The following LNPK variants were observed in gnomAD, a reference collection of about 807,000 sequenced individuals.
The protein encoded by LNPK is endoplasmic reticulum junction formation protein lunapark.
A neutral mutation model predicts 55.2 loss-of-function variants in LNPK; 29 were observed. The observed-to-expected ratio is 0.53, with a 90% CI of 0.39 to 0.72. The LOEUF (loss-of-function observed/expected upper bound fraction) is 0.72, where lower values mean the gene tolerates loss of function less well. Ranked by LOEUF, LNPK falls within the 30% of genes least tolerant of loss-of-function variation. The pLI is 0.00. For missense variants in LNPK, 467 were observed against 494.8 expected (o/e 0.94, Z 0.53); for synonymous variants, 162 against 168.2 (o/e 0.96, Z 0.29).
Position 175,955,322 on chromosome 2 carries a change from A to G in LNPK, c.494-7630T>C, listed in dbSNP as rs1215890346. 2.6e-5 allele frequency among the ~76,000 whole-genome samples: 4 copies of G among 152,156 alleles called. No individual in the cohort carries two copies. In the East Asian group the frequency reaches 5.8e-4, roughly 22 times the overall value. On this transcript the variant is annotated intron_variant, in intron 8 of 12. Coordinates refer to ENST00000272748, the MANE Select transcript of LNPK (RefSeq NM_030650.3). Reference sequence around the variant, plus strand: ...GGGAAGAGTAAGCTCAACTGACCCGAGAGAAGTCCATGTGGAGAGGAAACA... The same window carrying G: ...GGGAAGAGTAAGCTCAACTGACCCGGGAGAAGTCCATGTGGAGAGGAAACA...
At chr2:175,941,475 A>C (rs1214210488) in intron 9 of LNPK, among the ~76,000 whole-genome samples, 1 of 151,962 alleles carries the variant, frequency 6.6e-6, no homozygotes, top group Non-Finnish European at 1.5e-5. Flanking sequence ...GTGCATGAAC[A>C]AATTGCTTAA....
chr2:175,992,177 T>A, intron 4 of LNPK, 54 bp downstream of exon 4: 1 of 1,156,936 alleles, frequency 8.6e-7, no homozygotes, highest in Non-Finnish European at 1.2e-6. Context: ...AGATATACAT[T>A]AAGACTCTCT....
intron 11 of LNPK, chr2:175,937,977 A>C (rs1013508009): frequency 5.8e-5 from 11 of 189,992 alleles, no homozygotes; most frequent in African/African-American, 2.3e-4. Flanking sequence ...TCATCTGCAG[A>C]GCTTTAAAAA....
intron 4 of LNPK, among the ~76,000 whole-genome samples, chr2:175,988,866 C>T (rs1367460401): frequency 1.3e-5 from 2 of 152,078 alleles, no homozygotes; most frequent in African/African-American, 4.8e-5. Flanking sequence ...CTCTGCCTCC[C>T]GGGTTCACGC....
chr2:175,930,541 A>C (rs1490988714), intron 12 of LNPK, among the ~76,000 whole-genome samples: 2 of 152,148 alleles, frequency 1.3e-5, no homozygotes, highest in Admixed American at 6.6e-5. Context: ...ATTATGTGCT[A>C]TAATACAATA....
chr2:175,931,952 ACT>A (rs897810204), intron 12 of LNPK: 7 of 286,890 alleles, frequency 2.4e-5, no homozygotes, highest in Non-Finnish European at 4.9e-5. Flanking sequence ...GTTTTCCACA[ACT>A]CTCTGGCCAT....
At chr2:175,979,506 C>T (rs940270777) in intron 5 of LNPK, among the ~76,000 whole-genome samples, 1 of 151,454 alleles carries the variant, frequency 6.6e-6, no homozygotes, top group African/African-American at 2.4e-5. Flanking sequence ...TGCAGTGAGC[C>T]GAGATCGTGC....
intron 4 of LNPK, among the ~76,000 whole-genome samples, chr2:175,991,921 G>A (rs942231721): frequency 6.6e-6 from 1 of 152,080 alleles, no homozygotes; most frequent in Non-Finnish European, 1.5e-5. Flanking sequence ...TGCCCCACTT[G>A]CCATTACCCA....
chr2:175,950,188 G>A (rs895668644), intron 8 of LNPK, among the ~76,000 whole-genome samples: 1 of 152,030 alleles, frequency 6.6e-6, no homozygotes, highest in Non-Finnish European at 1.5e-5. Context: ...CACTGAGGAT[G>A]ATGACATGCC....
chr2:175,970,888 A>T (rs933996962), intron 5 of LNPK, 84 bp from the exon 6 acceptor site: 9 of 1,186,572 alleles, frequency 7.6e-6, no homozygotes, highest in Non-Finnish European at 1.0e-5. Flanking sequence ...AGCAAACACA[A>T]GAAAACTTTC....
intron 2 of LNPK, chr2:175,994,144 C>G (rs1208331237): frequency 2.2e-5 from 21 of 974,722 alleles, no homozygotes; most frequent in Non-Finnish European, 2.4e-5. Context: ...CAATTACATA[C>G]TCAACAATCC....
rs139155854 is a variant in LNPK at position 175,992,382 on chromosome 2, G to T, written c.106C>A (p.Gln36Lys). The change falls in exon 4 of 13, where the codon CAG becomes AAG. Residue 36 changes from glutamine (Q) to lysine (K), a missense_variant. Physicochemically the swap from Gln to Lys is moderately conservative, Grantham distance 53. Coordinates refer to ENST00000272748, the MANE Select transcript of LNPK (RefSeq NM_030650.3). Reference sequence around the variant, plus strand: ...CCAACCCATAATTTTTGTAATCTCTGATTTTTTTCCCTAAATTCTTCCAAT... The same window carrying T: ...CCAACCCATAATTTTTGTAATCTCTTATTTTTTTCCCTAAATTCTTCCAAT... Reference protein sequence around the residue: ...QALEEFREKNQRLQKLWVGRL... With the variant: ...QALEEFREKNKRLQKLWVGRL... 1.1e-3 allele frequency: 1,695 copies of T among 1,508,028 alleles called. 2 individuals are homozygous for T. Among genetic ancestry groups the T allele is most frequent in the Non-Finnish European group, 1.4e-3 (1,613 of 1,134,292 alleles). 93.4% of individuals were successfully genotyped at this position (1,508,028 alleles called of 1,614,324 possible). A position where few individuals can be genotyped will look rare whatever the true frequency, so the allele number is the denominator to read the frequency against.
chr2:175,982,776 C>T (rs1013936713), intron 4 of LNPK, among the ~76,000 whole-genome samples: 1 of 152,128 alleles, frequency 6.6e-6, no homozygotes, highest in African/African-American at 2.4e-5. Flanking sequence ...AAAGGTTTTG[C>T]TCTCCCAATA....
chr2:175,938,133 A>G (rs946752757), intron 11 of LNPK, among the ~76,000 whole-genome samples, 180 bp downstream of exon 11: 1 of 152,188 alleles, frequency 6.6e-6, no homozygotes, highest in Non-Finnish European at 1.5e-5. Flanking sequence ...GCTGTACATT[A>G]TATAGGAAGA....
chr2:175,983,331 C>T (rs1687261316), intron 4 of LNPK, among the ~76,000 whole-genome samples: 1 of 152,124 alleles, frequency 6.6e-6, no homozygotes, highest in Non-Finnish European at 1.5e-5. Context: ...TTGCCTAGCC[C>T]CACTGGCTGG....
upstream of LNPK, chr2:176,002,488 T>C: frequency 4.0e-6 from 1 of 251,996 alleles, no homozygotes; most frequent in Non-Finnish European, 7.9e-6. Flanking sequence ...TTATTATGAC[T>C]CTTAGAATAT....
intron 8 of LNPK, among the ~76,000 whole-genome samples, chr2:175,952,355 A>ATACTATAGTATAATTTTATACTATAG (rs1685462990): frequency 1.3e-5 from 2 of 151,968 alleles, no homozygotes; most frequent in African/African-American, 2.4e-5. Context: ...GAAAAAAATT[A>ATACTATAGTATAATTTTATACTATAG]TACTATAGTA....
chr2:175,981,128 T>C (rs1687155706), intron 4 of LNPK, among the ~76,000 whole-genome samples: 1 of 152,176 alleles, frequency 6.6e-6, no homozygotes, highest in African/African-American at 2.4e-5. Flanking sequence ...CACACCATTG[T>C]GTAGTCCTCT....
rs144769063 is a variant in LNPK at position 175,994,067 on chromosome 2, T to C, written c.28-844A>G. The C allele has an allele frequency of 2.6e-5, 12 of 460,802 alleles. No homozygotes were observed. The East Asian group carries it at 1.7e-3, about 65-fold the overall frequency. 28.5% of individuals were successfully genotyped at this position (460,802 alleles called of 1,614,324 possible). On this transcript the variant is annotated intron_variant, in intron 2 of 12. Transcript: ENST00000272748. ...TATAGCAAAGCTTGTTTGCCAATGA[T>C]ATTTTTTATACATCTAGAATGAAAA...
Sources: allele counts gnomAD v4.1 joint callset (sites outside exome capture counted in the v4.1 genomes callset), GRCh38; gene constraint gnomAD v4.1.1; transcripts MANE v1.5; gene names NCBI Gene and HGNC (gene_info 2026-07-23, HGNC 2026-07-21).